Variants in KCNMA1 observed in about 807,000 individuals in gnomAD.
KCNMA1 encodes the protein Calcium-activated potassium channel subunit alpha-1.
KCNMA1 carries 29 observed loss-of-function variants against 140.0 expected under a neutral mutation model. That is an observed-to-expected ratio of 0.21 (90% CI 0.15 to 0.28). The LOEUF is 0.28. KCNMA1 is among the 10% of genes least tolerant of loss of function. KCNMA1 has a pLI of 1.00. For synonymous variants in KCNMA1, 612 were observed against 611.9 expected, an observed-to-expected ratio of 1.00 and a Z score of 0.00; for missense variants, 880 against 1,602.2, an observed-to-expected ratio of 0.55 and a Z score of 7.70.
intron 2 of KCNMA1, among the ~76,000 whole-genome samples, chr10:77,280,388 T>C (rs2068072492): frequency 6.6e-6 from 1 of 152,226 alleles, no homozygotes; most frequent in Non-Finnish European, 1.5e-5. Flanking sequence ...GAAAATTCTG[T>C]CCTGTCCAAG....
At chr10:77,505,157 G>A (rs1211957535) in intron 1 of KCNMA1, among the ~76,000 whole-genome samples, 4 of 152,194 alleles carry the variant, frequency 2.6e-5, no homozygotes, top group South Asian at 4.1e-4. Context: ...CCCTTGCTAC[G>A]TGCCTGGAAA....
At chr10:77,205,545 T>G (rs1345581309) in intron 3 of KCNMA1, among the ~76,000 whole-genome samples, 1 of 152,228 alleles carries the variant, frequency 6.6e-6, no homozygotes, top group Admixed American at 6.5e-5. Context: ...ATGCTCTAAT[T>G]TTTCCAGTAA....
intron 25 of KCNMA1, among the ~76,000 whole-genome samples, chr10:76,896,447 T>C (rs1018459725): frequency 2.0e-5 from 3 of 152,120 alleles, no homozygotes; most frequent in African/African-American, 4.8e-5. Context: ...TAGAAAAAAT[T>C]TGTGCAGTTA....
intron 5 of KCNMA1, among the ~76,000 whole-genome samples, chr10:77,129,570 A>G (rs1179971433): frequency 1.3e-5 from 2 of 152,216 alleles, no homozygotes; most frequent in Non-Finnish European, 2.9e-5. Context: ...CAATAATACA[A>G]TAAAAGATTA....
intron 15 of KCNMA1, among the ~76,000 whole-genome samples, chr10:77,032,034 A>T (rs2093972381): frequency 6.6e-6 from 1 of 152,226 alleles, no homozygotes; most frequent in Non-Finnish European, 1.5e-5. Context: ...AGAAGCAGAC[A>T]GATGGGAAAG....
intron 1 of KCNMA1, among the ~76,000 whole-genome samples, chr10:77,616,255 A>T (rs2089449204): frequency 6.6e-6 from 1 of 152,214 alleles, no homozygotes; most frequent in South Asian, 2.1e-4. Context: ...CAGACGTGCA[A>T]TCCAACCTGG....
chr10:76,904,409 A>C (rs1287884705), intron 25 of KCNMA1: 2 of 152,314 alleles, frequency 1.3e-5, no homozygotes, highest in Admixed American at 6.5e-5. Flanking sequence ...GATCCTGCGC[A>C]TGGGTCTCTC....
chr10:77,455,180 A>G (rs973124860), intron 1 of KCNMA1, among the ~76,000 whole-genome samples: 1 of 152,150 alleles, frequency 6.6e-6, no homozygotes, highest in Non-Finnish European at 1.5e-5. Flanking sequence ...AATACTTTCC[A>G]ATCTTCAGAA....
At position 77,319,979 on chromosome 10, in the gene KCNMA1, G is replaced by A. The variant is rs564019514; in HGVS notation, c.541-68723C>T. 3.3e-5 allele frequency among the ~76,000 whole-genome samples: 5 copies of A among 152,282 alleles called. No individual in the cohort carries two copies. In the East Asian group the frequency reaches 5.8e-4, roughly 18 times the overall value. ...TCACTTGACTGATACTGCCCTCTTC[G>A]AAGCAGAACAATTCTGCTTTGCTCT... On this transcript the variant is annotated intron_variant, in intron 2 of 27. Transcript: ENST00000286628.
intron 16 of KCNMA1, chr10:77,020,339 T>C (rs2092689134): frequency 6.6e-6 from 1 of 152,230 alleles, no homozygotes; most frequent in Non-Finnish European, 1.5e-5. Flanking sequence ...TTTGTTCACC[T>C]GGTTGGGAGA....
At chr10:77,030,529 G>A (rs76065502) in intron 15 of KCNMA1, among the ~76,000 whole-genome samples, 1 of 152,228 alleles carries the variant, frequency 6.6e-6, no homozygotes, top group East Asian at 1.9e-4. Flanking sequence ...AATATCCTAT[G>A]AGCAATGACC....
intron 3 of KCNMA1, among the ~76,000 whole-genome samples, chr10:77,197,194 C>T (rs2040791557): frequency 6.6e-6 from 1 of 152,176 alleles, no homozygotes; most frequent in African/African-American, 2.4e-5. Flanking sequence ...TGAAAACGAT[C>T]AATAATTGCA....
chr10:77,159,455 C>A (rs1211786155), intron 5 of KCNMA1, among the ~76,000 whole-genome samples: 2 of 152,044 alleles, frequency 1.3e-5, no homozygotes, highest in Admixed American at 1.3e-4. Flanking sequence ...CAGAGCCACA[C>A]CATTTTGGCC....
At chr10:77,558,264 G>C (rs1172775843) in intron 1 of KCNMA1, among the ~76,000 whole-genome samples, 1 of 152,104 alleles carries the variant, frequency 6.6e-6, no homozygotes, top group African/African-American at 2.4e-5. Flanking sequence ...GACATGCCTC[G>C]TGAATCAGGT....
rs2090641123 is a variant in KCNMA1 at position 77,619,333 on chromosome 10, TC to T, written c.378+17931del. Among the ~76,000 whole-genome samples, 53 of 151,882 alleles carry T rather than the reference TC, an allele frequency of 3.5e-4. 1 individual carries two copies. The highest frequency in any genetic ancestry group is 3.4e-3 in the Middle Eastern group (1 of 294). On this transcript the variant is annotated intron_variant, in intron 1 of 27. Coordinates refer to ENST00000286628, the MANE Select transcript of KCNMA1 (RefSeq NM_001161352.2). ...CTGTCTGTCTCTCTCTCTCTCTCTCTCTCTCTCTCTCTCGTATGCCCACGCA... is the reference window on the plus strand; with the variant it reads ...CTGTCTGTCTCTCTCTCTCTCTCTCTTCTCTCTCTCTCGTATGCCCACGCA...
chr10:77,455,406 G>A (rs115705651), intron 1 of KCNMA1, among the ~76,000 whole-genome samples: 266 of 152,282 alleles, frequency 1.7e-3, no homozygotes, highest in African/African-American at 6.2e-3. Flanking sequence ...GAGTGGGACT[G>A]TACCCTGCCC....
intron 3 of KCNMA1, among the ~76,000 whole-genome samples, chr10:77,194,054 T>C (rs767380287): frequency 2.6e-5 from 4 of 152,078 alleles, no homozygotes; most frequent in East Asian, 3.9e-4. Context: ...CCCCTAGCCA[T>C]TGGGGAGCAA....
At chr10:77,495,751 C>A (rs776912302) in intron 1 of KCNMA1, among the ~76,000 whole-genome samples, 49 of 152,238 alleles carry the variant, frequency 3.2e-4, no homozygotes, top group Admixed American at 9.2e-4. Flanking sequence ...GTGCTCTGGT[C>A]CCAGCCCAAG....
At chr10:77,429,880 A>G (rs1205921933) in intron 1 of KCNMA1, among the ~76,000 whole-genome samples, 1 of 152,212 alleles carries the variant, frequency 6.6e-6, no homozygotes. Flanking sequence ...TAAGCAAGTC[A>G]GGGTTCAAAA....
Sources: allele counts gnomAD v4.1 joint callset (sites outside exome capture counted in the v4.1 genomes callset), GRCh38; gene constraint gnomAD v4.1.1; transcripts MANE v1.5; gene names NCBI Gene and HGNC (gene_info 2026-07-23, HGNC 2026-07-21).